The following RGS8 variants were observed in gnomAD, a reference collection of about 807,000 sequenced individuals.
The protein encoded by RGS8 is regulator of G protein signaling 8.
Under a neutral mutation model 21.7 loss-of-function variants are expected in RGS8, and 8 were observed. The observed-to-expected ratio is 0.37, with a 90% CI of 0.22 to 0.66. RGS8 has a LOEUF of 0.66. Among genes scored for constraint, RGS8 ranks in the 30% least tolerant of loss-of-function variants. The pLI is 0.59. For synonymous variants in RGS8, 80 were observed against 83.6 expected, an observed-to-expected ratio of 0.96 and a Z score of 0.24; for missense variants, 157 against 217.9, an observed-to-expected ratio of 0.72 and a Z score of 1.76.
At chr1:182,654,585 G>A (rs886163305) in intron 5 of RGS8, among the ~76,000 whole-genome samples, 13 of 152,250 alleles carry the variant, frequency 8.5e-5, no homozygotes, top group Non-Finnish European at 1.3e-4. Context: ...TAGTGTAACC[G>A]ACATTAAGTG....
chr1:182,721,035 ATATACATATACATACATATATATGTGTG>A, the RGS8 span, among the ~76,000 whole-genome samples: 1 of 86,854 alleles, frequency 1.2e-5, no homozygotes, highest in African/African-American at 4.9e-5. Flanking sequence ...ATGTGTGTAT[ATATACATATACATACATATATATGTGTG>A]TATATATACA....
chr1:182,676,911 C>A (rs371910162), upstream of RGS8, among the ~76,000 whole-genome samples: 2 of 152,110 alleles, frequency 1.3e-5, no homozygotes, highest in African/African-American at 4.8e-5. Flanking sequence ...CACACCTGCC[C>A]GGTCTATTTC....
the RGS8 span, among the ~76,000 whole-genome samples, chr1:182,729,225 A>G: frequency 2.0e-5 from 3 of 152,352 alleles, no homozygotes; most frequent in East Asian, 5.8e-4. Context: ...CTGGCTTGTG[A>G]GTAACTTCAA....
intron 1 of RGS8, among the ~76,000 whole-genome samples, chr1:182,683,793 T>C (rs911858928): frequency 1.3e-5 from 2 of 152,178 alleles, no homozygotes; most frequent in Non-Finnish European, 2.9e-5. Flanking sequence ...CTCATTGTGA[T>C]TGTGAGTTCT....
At chr1:182,742,340 G>T in the RGS8 span, among the ~76,000 whole-genome samples, 2 of 151,222 alleles carry the variant, frequency 1.3e-5, no homozygotes, top group Admixed American at 6.6e-5. Flanking sequence ...ACGGGGTGGC[G>T]GCCGGGCAGA....
chr1:182,650,900 C>T (rs1404974168), intron 5 of RGS8, among the ~76,000 whole-genome samples: 9 of 152,074 alleles, frequency 5.9e-5, no homozygotes, highest in Admixed American at 2.0e-4. Flanking sequence ...CACATGATTA[C>T]CTTAACTCTA....
At chr1:182,650,697 C>CA (rs1034594169) in intron 5 of RGS8, among the ~76,000 whole-genome samples, 16 of 152,108 alleles carry the variant, frequency 1.1e-4, no homozygotes, top group Non-Finnish European at 1.6e-4. Context: ...CCTATCTCTA[C>CA]AAAAAATACA....
At chr1:182,727,875 G>A in the RGS8 span, among the ~76,000 whole-genome samples, 52 of 152,110 alleles carry the variant, frequency 3.4e-4, no homozygotes, top group South Asian at 0.011. Flanking sequence ...ATTATTGCAG[G>A]ATTTTACTCT....
the RGS8 span, among the ~76,000 whole-genome samples, chr1:182,726,090 C>T: frequency 6.6e-6 from 1 of 151,152 alleles, no homozygotes; most frequent in Admixed American, 6.6e-5. Context: ...GGCTTCTCAG[C>T]GGCTTGCAGT....
the RGS8 span, among the ~76,000 whole-genome samples, chr1:182,710,476 A>G: frequency 6.6e-6 from 1 of 152,122 alleles, no homozygotes; most frequent in Admixed American, 6.5e-5. Flanking sequence ...GTGTGTATAA[A>G]TGACTAATAA....
chr1:182,669,580 G>C (rs768400941), intron 3 of RGS8, 44 bp downstream of exon 4: 2 of 1,614,114 alleles, frequency 1.2e-6, no homozygotes, highest in South Asian at 1.1e-5. Context: ...GTGGAGAAAA[G>C]AGGAAAGGGT....
At chr1:182,726,385 C>A in the RGS8 span, among the ~76,000 whole-genome samples, 3 of 152,112 alleles carry the variant, frequency 2.0e-5, no homozygotes, top group South Asian at 6.2e-4. Flanking sequence ...AGATGCCATG[C>A]CACGGCCAGG....
chr1:182,750,809 ACTAGACTAGATACTATCTAGACT>A, the RGS8 span, among the ~76,000 whole-genome samples: 2 of 39,590 alleles, frequency 5.1e-5, no homozygotes, highest in Non-Finnish European at 1.3e-4. Flanking sequence ...GACTCTAGAT[ACTAGACTAGATACTATCTAGACT>A]CTAGATTCTA....
chr1:182,714,991 G>A, the RGS8 span, among the ~76,000 whole-genome samples: 2 of 152,156 alleles, frequency 1.3e-5, no homozygotes, highest in African/African-American at 4.8e-5. Context: ...TAAATAATTA[G>A]TATGATTAAA....
At chr1:182,655,896 T>C (rs1663251995) in intron 5 of RGS8, among the ~76,000 whole-genome samples, 1 of 152,144 alleles carries the variant, frequency 6.6e-6, no homozygotes, top group African/African-American at 2.4e-5. Flanking sequence ...AATCCTTACA[T>C]CAACGCTCCT....
the RGS8 span, among the ~76,000 whole-genome samples, chr1:182,720,894 T>C: frequency 0.027 from 1,325 of 49,886 alleles, 17 homozygotes; most frequent in Non-Finnish European, 0.038. Context: ...TATATACACA[T>C]ATATATACAT....
At chr1:182,723,217 A>G in the RGS8 span, among the ~76,000 whole-genome samples, 2 of 152,172 alleles carry the variant, frequency 1.3e-5, no homozygotes, top group East Asian at 1.9e-4. Context: ...TCATATCACA[A>G]TTTCTGAGGA....
the RGS8 span, among the ~76,000 whole-genome samples, chr1:182,721,032 TATATATAC>T: frequency 1.4e-4 from 12 of 85,120 alleles, no homozygotes; most frequent in Admixed American, 8.1e-4. Context: ...TATATGTGTG[TATATATAC>T]ATATACATAC....
At chr1:182,663,244 T>C (rs545731641) in intron 5 of RGS8, among the ~76,000 whole-genome samples, 1 of 152,302 alleles carries the variant, frequency 6.6e-6, no homozygotes, top group East Asian at 1.9e-4. Context: ...CTCAAATTAA[T>C]TAGACTTTCA....
Sources: allele counts gnomAD v4.1 joint callset (sites outside exome capture counted in the v4.1 genomes callset), GRCh38; gene constraint gnomAD v4.1.1; transcripts MANE v1.5; gene names NCBI Gene and HGNC (gene_info 2026-07-23, HGNC 2026-07-21).